Variants in PCDH15 observed in about 807,000 individuals in gnomAD.
The protein encoded by PCDH15 is protocadherin related 15.
A neutral mutation model predicts 178.5 loss-of-function variants in PCDH15; 129 were observed. That is an observed-to-expected ratio of 0.72 (90% CI 0.63 to 0.84). PCDH15 has a LOEUF of 0.84. Among genes scored for constraint, PCDH15 ranks in the 40% least tolerant of loss-of-function variants. The probability of loss-of-function intolerance (pLI) is 0.00; values close to 1 mark genes in which losing one functional copy is unlikely to be tolerated. For synonymous variants in PCDH15, 800 were observed against 732.0 expected (o/e 1.09, Z -1.50); for missense variants, 2,230 against 2,099.9 (o/e 1.06, Z -1.21).
intron 6 of PCDH15, among the ~76,000 whole-genome samples, chr10:54,335,232 A>G (rs1182862684): frequency 1.3e-5 from 2 of 152,134 alleles, no homozygotes; most frequent in Non-Finnish European, 2.9e-5. Flanking sequence ...CACTCTAATC[A>G]TTTTTTCTGT....
chr10:54,626,380 A>G (rs2093551301), intron 2 of PCDH15, among the ~76,000 whole-genome samples: 1 of 152,104 alleles, frequency 6.6e-6, no homozygotes, highest in Non-Finnish European at 1.5e-5. Context: ...CTAGGAGAAA[A>G]TGGTTTCATG....
intron 23 of PCDH15, among the ~76,000 whole-genome samples, chr10:53,956,211 C>T (rs1158347284): frequency 6.6e-6 from 1 of 152,010 alleles, no homozygotes; most frequent in African/African-American, 2.4e-5. Flanking sequence ...CCACTTAGTT[C>T]CATATTTTTT....
At chr10:55,000,235 G>A (rs1199079598) in intron 2 of PCDH15, among the ~76,000 whole-genome samples, 1 of 152,120 alleles carries the variant, frequency 6.6e-6, no homozygotes, top group African/African-American at 2.4e-5. Context: ...ATAAAAGACG[G>A]CCACCTGCTG....
intron 5 of PCDH15, among the ~76,000 whole-genome samples, chr10:54,347,464 G>A (rs1419709611): frequency 6.6e-6 from 1 of 152,062 alleles, no homozygotes; most frequent in Non-Finnish European, 1.5e-5. Flanking sequence ...TAAGCTCTGT[G>A]CCTCTACAGA....
chr10:54,270,865 T>A lies in PCDH15; in HGVS notation c.877-33934A>T, dbSNP rs577173416. On this transcript the variant is annotated intron_variant, in intron 8 of 37. Transcript: ENST00000644397. ...TGAATTAGTGAAAAGTTTATTTTAATTAGCTGTATGGCAAAATAGGAAACT... is the reference window on the plus strand; with the variant it reads ...TGAATTAGTGAAAAGTTTATTTTAAATAGCTGTATGGCAAAATAGGAAACT... Among the ~76,000 whole-genome samples the A allele has an allele frequency of 1.4e-3, 212 of 152,276 alleles. 1 individual carries two copies. Among genetic ancestry groups the A allele is most frequent in the African/African-American group, 5.0e-3 (206 of 41,566 alleles).
intron 8 of PCDH15, among the ~76,000 whole-genome samples, chr10:54,286,201 A>T (rs2059016171): frequency 1.3e-5 from 2 of 152,202 alleles, no homozygotes; most frequent in Non-Finnish European, 2.9e-5. Context: ...AAGAATTTTG[A>T]ATGTTTTTAC....
Position 54,664,155 on chromosome 10 carries a change from G to A in PCDH15, c.91+17C>T. 1 of 1,600,798 alleles carries A rather than the reference G, an allele frequency of 6.2e-7. No individual in the cohort carries two copies. Among genetic ancestry groups the A allele is most frequent in the Non-Finnish European group, 8.6e-7 (1 of 1,169,130 alleles). ...AATCCTGGCTCGCTCTAAAGGTCAA[G>A]CTAAAAGCAACCTTACCATCATCAT... On this transcript the variant is annotated intron_variant, in intron 2 of 37. Coordinates refer to ENST00000644397, the MANE Select transcript of PCDH15 (RefSeq NM_001384140.1).
chr10:54,932,863 G>A (rs577953063), intron 2 of PCDH15, among the ~76,000 whole-genome samples: 18 of 152,120 alleles, frequency 1.2e-4, no homozygotes, highest in African/African-American at 4.3e-4. Flanking sequence ...ACACTAGTGT[G>A]CACTAGTGTT....
chr10:55,303,110 C>T (rs887610473), intron 1 of PCDH15, among the ~76,000 whole-genome samples: 5 of 151,986 alleles, frequency 3.3e-5, no homozygotes, highest in African/African-American at 1.2e-4. Context: ...TATATACACA[C>T]ACACACGGAA....
chr10:54,854,342 C>G (rs1953696615), intron 3 of PCDH15, among the ~76,000 whole-genome samples: 1 of 152,170 alleles, frequency 6.6e-6, no homozygotes, highest in Non-Finnish European at 1.5e-5. Context: ...ATATGGTGAG[C>G]AAGGGGCATG....
intron 1 of PCDH15, among the ~76,000 whole-genome samples, chr10:54,699,773 C>A (rs1298603303): frequency 6.6e-6 from 1 of 151,834 alleles, no homozygotes; most frequent in South Asian, 2.1e-4. Context: ...TAGAATGTTA[C>A]ATTATTTAGC....
In PCDH15 at chr10:53,966,442, T is replaced by C. The variant is rs558775342; in HGVS notation, c.2869-4550A>G. ...TTTTTGCTTTCCCTTCCTCCCTCCT[T>C]TCCTTTCTTTACTTCTTTCCAAAGT... On this transcript the variant is annotated intron_variant, in intron 21 of 37. Transcript: ENST00000644397. Among the ~76,000 whole-genome samples, 15 of 152,278 alleles carry C rather than the reference T, an allele frequency of 9.9e-5. No homozygotes were observed. In the South Asian group the frequency reaches 3.1e-3, roughly 32 times the overall value.
At chr10:54,095,513 G>T (rs1317982419) in intron 15 of PCDH15, among the ~76,000 whole-genome samples, 1 of 151,918 alleles carries the variant, frequency 6.6e-6, no homozygotes, top group East Asian at 1.9e-4. Context: ...ATATAAATAT[G>T]CTCAAAAATA....
chr10:55,491,516 T>A (rs1018889406), intron 2 of PCDH15, among the ~76,000 whole-genome samples: 9 of 151,328 alleles, frequency 5.9e-5, no homozygotes, highest in African/African-American at 2.2e-4. Flanking sequence ...TAGTGGGGAG[T>A]AATTCCAGAA....
Position 54,425,476 on chromosome 10 carries a change from TAGAAA to T in PCDH15, c.158-46539_158-46535del, listed in dbSNP as rs1211290140. ...TTGGATTTCCAAGCCTCCTTAGCTG[TAGAAA>T]ATAAATTCAGTTCTGTATAAATTAC... On this transcript the variant is annotated intron_variant, in intron 3 of 37. Coordinates refer to ENST00000644397, the MANE Select transcript of PCDH15 (RefSeq NM_001384140.1). Among the ~76,000 whole-genome samples the T allele has an allele frequency of 1.4e-3, 218 of 152,296 alleles. 1 individual carries two copies. Among genetic ancestry groups the T allele is most frequent in the Non-Finnish European group, 1.0e-3 (71 of 68,028 alleles).
At chr10:54,241,886 A>C (rs2055342541) in intron 8 of PCDH15, among the ~76,000 whole-genome samples, 1 of 151,638 alleles carries the variant, frequency 6.6e-6, no homozygotes, top group Non-Finnish European at 1.5e-5. Context: ...CCTTAAAATT[A>C]TTATTTTAAT....
At chr10:55,055,516 G>A (rs1841275310) in intron 2 of PCDH15, among the ~76,000 whole-genome samples, 1 of 151,996 alleles carries the variant, frequency 6.6e-6, no homozygotes, top group Non-Finnish European at 1.5e-5. Context: ...GTGAAAACAG[G>A]GTGAGGTTGG....
At chr10:54,447,251 G>A (rs372880493) in intron 3 of PCDH15, among the ~76,000 whole-genome samples, 1 of 151,640 alleles carries the variant, frequency 6.6e-6, no homozygotes. Flanking sequence ...GAGAATACTT[G>A]AAATCTACTC....
At chr10:54,561,685 C>T (rs2088182809) in intron 2 of PCDH15, among the ~76,000 whole-genome samples, 1 of 152,040 alleles carries the variant, frequency 6.6e-6, no homozygotes. Flanking sequence ...AATTGAAAAA[C>T]ATCACTGTTT....
Sources: gnomAD v4.1 joint callset for allele counts (sites outside exome capture counted in the v4.1 genomes callset) on GRCh38, gnomAD v4.1.1 for gene constraint, MANE v1.5 for transcripts, NCBI Gene and HGNC (gene_info 2026-07-23, HGNC 2026-07-21) for gene names.